Variants in ADAMTS2 observed in about 807,000 individuals in gnomAD.
The protein encoded by ADAMTS2 is ADAM metallopeptidase with thrombospondin type 1 motif 2, also known as A disintegrin and metalloproteinase with thrombospondin motifs 2.
Under a neutral mutation model 123.0 loss-of-function variants are expected in ADAMTS2, and 50 were observed. That is an observed-to-expected ratio of 0.41 (90% CI 0.32 to 0.51). The LOEUF (loss-of-function observed/expected upper bound fraction) is 0.51. Among genes scored for constraint, ADAMTS2 ranks in the 20% least tolerant of loss-of-function variants. ADAMTS2 has a pLI of 0.35. For missense variants in ADAMTS2, 1,494 were observed against 1,705.2 expected, an observed-to-expected ratio of 0.88 and a Z score of 2.18; for synonymous variants, 678 against 695.4, an observed-to-expected ratio of 0.98 and a Z score of 0.39.
intron 2 of ADAMTS2, among the ~76,000 whole-genome samples, chr5:179,284,997 C>T (rs1755977581): frequency 6.6e-6 from 1 of 152,122 alleles, no homozygotes; most frequent in Non-Finnish European, 1.5e-5. Flanking sequence ...ACAGTGTCTG[C>T]AGGGTTGAAT....
At chr5:179,195,893 A>G (rs1764418341) in intron 4 of ADAMTS2, among the ~76,000 whole-genome samples, 1 of 152,106 alleles carries the variant, frequency 6.6e-6, no homozygotes, top group African/African-American at 2.4e-5. Flanking sequence ...CACTTAAGGG[A>G]CCCGTGTTTC....
intron 5 of ADAMTS2, among the ~76,000 whole-genome samples, chr5:179,172,112 G>A (rs931928095): frequency 3.9e-5 from 6 of 152,184 alleles, no homozygotes; most frequent in Non-Finnish European, 7.4e-5. Context: ...AGCAGGAGGC[G>A]GAAGCAAGGC....
chr5:179,325,849 G>A (rs970251589), intron 2 of ADAMTS2, among the ~76,000 whole-genome samples: 1 of 151,226 alleles, frequency 6.6e-6, no homozygotes, highest in African/African-American at 2.5e-5. Flanking sequence ...ACCTGGGGAT[G>A]GCCTGTGGGA....
In ADAMTS2 at chr5:179,181,141, G is replaced by A. The variant is rs1439959851; in HGVS notation, c.906C>T (p.Tyr302=). The change falls in exon 5 of 22, where the codon TAC becomes TAT. Residue 302 remains tyrosine, a synonymous_variant. Coordinates refer to ENST00000251582, the MANE Select transcript of ADAMTS2 (RefSeq NM_014244.5). This position sits in a 1 kb window ranked among gnomAD's most constrained non-coding sequence, Gnocchi z 4.1. ...TGTGGGCACCCAAGGACTCGTCATGGTAGATTTCATTGACCTGAAAGAAAC... is the reference window on the plus strand; with the variant it reads ...TGTGGGCACCCAAGGACTCGTCATGATAGATTTCATTGACCTGAAAGAAAC... ...LTLMNIVNEI[Y]HDESLGAHIN... The A allele has an allele frequency of 5.6e-6, 9 of 1,613,774 alleles. No homozygotes were observed. Among genetic ancestry groups the A allele is most frequent in the Non-Finnish European group, 7.6e-6 (9 of 1,179,764 alleles).
rs574386503 is a variant in ADAMTS2 at position 179,336,173 on chromosome 5, G to A, written c.534+7594C>T. Among the ~76,000 whole-genome samples, 7 of 152,238 alleles carry A rather than the reference G, an allele frequency of 4.6e-5. No individual in the cohort carries two copies. In the East Asian group the frequency reaches 5.8e-4, roughly 13 times the overall value. ...ATGCAATCGGCGGGTCTCAGGCCCCGGCCCTGGCCCCCGCCTCCTGGGCCA... is the reference window on the plus strand; with the variant it reads ...ATGCAATCGGCGGGTCTCAGGCCCCAGCCCTGGCCCCCGCCTCCTGGGCCA... On this transcript the variant is annotated intron_variant, in intron 2 of 21. Transcript: ENST00000251582.
In ADAMTS2 at chr5:179,185,396, G is replaced by C. The variant is rs1764145854; in HGVS notation, c.892-4241C>G. ...GCAGGGAGAGGCTGGGGCTCTGGAA[G>C]GGCATTCCGGCAGCTCCCACAGGGC... On this transcript the variant is annotated intron_variant, in intron 4 of 21. Coordinates refer to ENST00000251582, the MANE Select transcript of ADAMTS2 (RefSeq NM_014244.5). This position sits in a 1 kb window ranked among gnomAD's most constrained non-coding sequence, Gnocchi z 5.9. 6.6e-6 allele frequency among the ~76,000 whole-genome samples: 1 copy of C among 152,128 alleles called. No homozygotes were observed. Among genetic ancestry groups the C allele is most frequent in the Non-Finnish European group, 1.5e-5 (1 of 68,016 alleles).
intron 4 of ADAMTS2, among the ~76,000 whole-genome samples, chr5:179,203,783 C>T (rs554354718): frequency 6.6e-6 from 1 of 152,360 alleles, no homozygotes; most frequent in Non-Finnish European, 1.5e-5. Flanking sequence ...GGCACAGCCA[C>T]TGTGGGAAAC....
chr5:179,163,263 G>A lies in ADAMTS2; in HGVS notation c.976-4384C>T, dbSNP rs561374639. On this transcript the variant is annotated intron_variant, in intron 5 of 21. Coordinates refer to ENST00000251582, the MANE Select transcript of ADAMTS2 (RefSeq NM_014244.5). ...TGCACGAAAAGTAAGTCCATCTTGT[G>A]TTTTCCCAGTTTTGAAGGAGAAAGG... 2.9e-4 allele frequency among the ~76,000 whole-genome samples: 44 copies of A among 152,332 alleles called. No individual in the cohort carries two copies. In the South Asian group the frequency reaches 6.8e-3, roughly 24 times the overall value.
rs935565389 is a variant in ADAMTS2, at chr5:179,132,273, T to A, written c.2247A>T (p.Arg749Ser). 2.5e-6 allele frequency: 4 copies of A among 1,614,240 alleles called. No individual in the cohort carries two copies. The South Asian group carries it at 4.4e-5, about 18-fold the overall frequency. The part of the protein sequence containing the change: ...IKMFEIPAGA[R>S]HLLIQEVDAT... ...CGTCTACCTCCTGAATGAGCAGGTG[T>A]CTGGCTCCTGCAGGGATCTCAAACA... is the stretch of plus-strand genomic sequence containing the variant. Residue 749 changes from arginine to serine, a missense_variant, in exon 15 of 22, where the codon AGA becomes AGT. Coordinates refer to ENST00000251582, the MANE Select transcript of ADAMTS2 (RefSeq NM_014244.5). The surrounding 1 kb of genome is among the most constrained non-coding windows in gnomAD (Gnocchi z 6.1).
At chr5:179,335,017 C>T (rs1757576596) in intron 2 of ADAMTS2, among the ~76,000 whole-genome samples, 1 of 152,104 alleles carries the variant, frequency 6.6e-6, no homozygotes, top group African/African-American at 2.4e-5. Context: ...GTTTAATTTA[C>T]TATCAATCAA....
intron 3 of ADAMTS2, among the ~76,000 whole-genome samples, chr5:179,265,736 A>G (rs984737050): frequency 6.6e-6 from 1 of 152,172 alleles, no homozygotes; most frequent in South Asian, 2.1e-4. Flanking sequence ...CCGCGCTGGC[A>G]TCTCCAACAG....
Position 179,189,492 on chromosome 5 carries a change from C to T in ADAMTS2, c.892-8337G>A, listed in dbSNP as rs1340066403. 4.6e-4 allele frequency among the ~76,000 whole-genome samples: 65 copies of T among 142,820 alleles called. No individual in the cohort carries two copies. The highest frequency in any genetic ancestry group is 1.3e-3 in the African/African-American group (51 of 38,676). 93.7% of individuals were successfully genotyped at this position (142,820 alleles called of 152,430 possible). A position where few individuals can be genotyped will look rare whatever the true frequency, so the allele number is the denominator to read the frequency against. ...CCTCCCGAGTAGCTGGGGCTACAGG[C>T]GCCCGCCAGTGCGCCTGGTTTTTTT... On this transcript the variant is annotated intron_variant, in intron 4 of 21. Transcript: ENST00000251582. This position sits in a 1 kb window ranked among gnomAD's most constrained non-coding sequence, Gnocchi z 4.2.
At chr5:179,334,223 T>C (rs974863739) in intron 2 of ADAMTS2, among the ~76,000 whole-genome samples, 1 of 152,196 alleles carries the variant, frequency 6.6e-6, no homozygotes, top group African/African-American at 2.4e-5. Flanking sequence ...CGGGAGGTGC[T>C]GGCTCCCCCA....
chr5:179,312,403 C>T lies in ADAMTS2; in HGVS notation c.534+31364G>A, dbSNP rs747843909. ...GGGATTTGTGCCCCGATCAGAGGGA[C>T]CCCAGAGAGCTCCCTCACCCTTTCA... On this transcript the variant is annotated intron_variant, in intron 2 of 21. Coordinates refer to ENST00000251582, the MANE Select transcript of ADAMTS2 (RefSeq NM_014244.5). The surrounding 1 kb of genome is among the most constrained non-coding windows in gnomAD (Gnocchi z 4.2). 4.6e-5 allele frequency among the ~76,000 whole-genome samples: 7 copies of T among 152,180 alleles called. No individual in the cohort carries two copies. The South Asian group carries it at 8.3e-4, about 18-fold the overall frequency.
In ADAMTS2 at chr5:179,344,081, C is replaced by T. The variant is rs2271211; in HGVS notation, c.220G>A (p.Val74Met). ...TDAQGRLVSH[V>M]VSAATSRAGV... The stretch of plus-strand genomic sequence containing the variant: ...GCTCTGGACGTAGCTGCCGACACCA[C>T]GTGGGACACCAAGCGGCCCTGGGCG... The change falls in exon 2 of 22, where the codon GTG becomes ATG. Residue 74 changes from valine (V) to methionine (M), a missense_variant. This residue lies in a region of ADAMTS2 where 237 missense variants were observed against 233.7 expected (regional missense o/e 1.01). Coordinates refer to ENST00000251582, the MANE Select transcript of ADAMTS2 (RefSeq NM_014244.5). 1.1e-3 allele frequency: 1,794 copies of T among 1,610,868 alleles called. 30 individuals carry two copies. The East Asian group carries it at 0.032, about 29-fold the overall frequency.
At chr5:179,325,148 G>A (rs1757279899) in intron 2 of ADAMTS2, among the ~76,000 whole-genome samples, 1 of 152,212 alleles carries the variant, frequency 6.6e-6, no homozygotes, top group Non-Finnish European at 1.5e-5. Context: ...ATGGGTGTGT[G>A]TGATCTTTCG....
intron 6 of ADAMTS2, among the ~76,000 whole-genome samples, chr5:179,157,104 C>A (rs1763487852): frequency 6.6e-6 from 1 of 151,824 alleles, no homozygotes; most frequent in African/African-American, 2.4e-5. Flanking sequence ...GCTGGGATTA[C>A]AGGCACCTGC....
At position 179,175,119 on chromosome 5, in the gene ADAMTS2, T is replaced by A. The variant is rs112563193; in HGVS notation, c.975+5953A>T. On this transcript the variant is annotated intron_variant, in intron 5 of 21. Transcript: ENST00000251582. This position sits in a 1 kb window ranked among gnomAD's most constrained non-coding sequence, Gnocchi z 4.1. ...CGCAGCTGTCTCAGCCATTCTTGACTGTTCATGTTCCTTTGGAGGAAGTCT... is the reference window on the plus strand; with the variant it reads ...CGCAGCTGTCTCAGCCATTCTTGACAGTTCATGTTCCTTTGGAGGAAGTCT... Among the ~76,000 whole-genome samples, 36 of 110,572 alleles carry A rather than the reference T, an allele frequency of 3.3e-4. No homozygotes were observed. The highest frequency in any genetic ancestry group is 2.9e-3 in the South Asian group (9 of 3,114). 72.5% of individuals were successfully genotyped at this position (110,572 alleles called of 152,430 possible). A position where few individuals can be genotyped will look rare whatever the true frequency, so the allele number is the denominator to read the frequency against.
chr5:179,142,928 A>T (rs771300879), intron 10 of ADAMTS2, among the ~76,000 whole-genome samples: 11 of 152,230 alleles, frequency 7.2e-5, no homozygotes, highest in Non-Finnish European at 1.5e-4. Flanking sequence ...AGAAACAGGA[A>T]AGTGTGACCC....
Sources: gnomAD v4.1 joint callset for allele counts (sites outside exome capture counted in the v4.1 genomes callset) on GRCh38, gnomAD v4.1.1 for gene constraint, gnomAD v4.1.1 regional missense constraint, Gnocchi (gnomAD v3.1) non-coding constraint, MANE v1.5 for transcripts, NCBI Gene and HGNC (gene_info 2026-07-23, HGNC 2026-07-21) for gene names.